FAM53B: variants seen among roughly 807,000 people sequenced by gnomAD.
The protein encoded by FAM53B is family with sequence similarity 53 member B, also known as protein FAM53B.
FAM53B carries 12 observed loss-of-function variants against 32.7 expected under a neutral mutation model. The observed-to-expected ratio is 0.37, with a 90% confidence interval of 0.24 to 0.59. The LOEUF (loss-of-function observed/expected upper bound fraction) is 0.59. FAM53B is among the 20% of genes least tolerant of loss of function. FAM53B has a pLI of 0.72. For synonymous variants in FAM53B, 234 were observed against 228.7 expected (o/e 1.02, Z -0.21); for missense variants, 477 against 577.7 (o/e 0.83, Z 1.79).
At chr10:124,707,796 A>C (rs1481000322) in intron 1 of FAM53B, 4 of 152,186 alleles carry the variant, frequency 2.6e-5, no homozygotes, top group African/African-American at 9.7e-5. Context: ...GCCACATTTC[A>C]ACATCAACAT....
intron 4 of FAM53B, among the ~76,000 whole-genome samples, chr10:124,669,088 G>A (rs76174042): frequency 0.053 from 8,043 of 152,284 alleles, 714 homozygotes; most frequent in African/African-American, 0.18. Flanking sequence ...AAGCCATTTT[G>A]GGGGGTGTAG....
At chr10:124,698,955 C>T (rs1949894078) in intron 2 of FAM53B, among the ~76,000 whole-genome samples, 1 of 152,248 alleles carries the variant, frequency 6.6e-6, no homozygotes, top group Non-Finnish European at 1.5e-5. Flanking sequence ...CCCCTCCTCA[C>T]TCACACCACC....
chr10:124,628,610 T>G (rs1193768521), intron 4 of FAM53B, among the ~76,000 whole-genome samples: 1 of 152,186 alleles, frequency 6.6e-6, no homozygotes. Flanking sequence ...GCCAGGCTGC[T>G]GGTGTCCCAC....
chr10:124,672,006 A>G (rs1338696627), intron 4 of FAM53B, among the ~76,000 whole-genome samples: 2 of 152,260 alleles, frequency 1.3e-5, no homozygotes, highest in African/African-American at 4.8e-5. Context: ...GTTGCAAGAA[A>G]GAGTGGTAAT....
chr10:124,686,275 C>A (rs1487106953), intron 3 of FAM53B, among the ~76,000 whole-genome samples: 1 of 152,200 alleles, frequency 6.6e-6, no homozygotes, highest in Non-Finnish European at 1.5e-5. Flanking sequence ...TACCAAAACC[C>A]AGGGGCATCA....
intron 1 of FAM53B, among the ~76,000 whole-genome samples, chr10:124,741,599 A>G (rs1268858756): frequency 6.6e-6 from 1 of 152,226 alleles, no homozygotes; most frequent in Non-Finnish European, 1.5e-5. Flanking sequence ...CGCTTAAAGG[A>G]ACCCAAGCCC....
intron 2 of FAM53B, among the ~76,000 whole-genome samples, chr10:124,701,631 C>T (rs1436836715): frequency 6.6e-6 from 1 of 152,214 alleles, no homozygotes; most frequent in Admixed American, 6.5e-5. Context: ...GGGCTGCCTT[C>T]CAGGGGAGCA....
intron 4 of FAM53B, among the ~76,000 whole-genome samples, chr10:124,674,144 C>T (rs769603807): frequency 9.9e-5 from 15 of 152,244 alleles, no homozygotes; most frequent in Non-Finnish European, 2.1e-4. Context: ...CCAGCAGCAC[C>T]GCTCAACAAC....
At chr10:124,697,814 C>T (rs1949884349) in intron 2 of FAM53B, among the ~76,000 whole-genome samples, 1 of 152,142 alleles carries the variant, frequency 6.6e-6, no homozygotes, top group African/African-American at 2.4e-5. Flanking sequence ...CTAACAGTAT[C>T]ATCAGGCTCA....
chr10:124,681,405 A>C (rs1268218709), intron 4 of FAM53B, among the ~76,000 whole-genome samples: 1 of 152,238 alleles, frequency 6.6e-6, no homozygotes, highest in African/African-American at 2.4e-5. Flanking sequence ...GTGAAAGGGA[A>C]TATTTGCTTG....
intron 4 of FAM53B, among the ~76,000 whole-genome samples, chr10:124,659,932 G>C (rs868712146): frequency 6.6e-6 from 1 of 152,194 alleles, no homozygotes; most frequent in South Asian, 2.1e-4. Flanking sequence ...TCAGCCTCCC[G>C]AGTAGCTGGG....
At chr10:124,676,555 A>G (rs189194595) in intron 4 of FAM53B, among the ~76,000 whole-genome samples, 7 of 152,214 alleles carry the variant, frequency 4.6e-5, no homozygotes, top group African/African-American at 1.4e-4. Flanking sequence ...ATGGCGACCA[A>G]CAAGGGCCAC....
At chr10:124,632,209 C>T (rs562165926) in intron 4 of FAM53B, among the ~76,000 whole-genome samples, 39 of 152,380 alleles carry the variant, frequency 2.6e-4, no homozygotes, top group African/African-American at 9.1e-4. Flanking sequence ...TGGCAGATGG[C>T]CTGCCCGAAC....
In FAM53B at chr10:124,681,830, G is replaced by A; in HGVS notation, c.683C>T (p.Ser228Phe). 1 of 1,611,796 alleles carries A rather than the reference G, an allele frequency of 6.2e-7. No individual in the cohort carries two copies. Among genetic ancestry groups the A allele is most frequent in the South Asian group, 1.1e-5 (1 of 90,706 alleles). ...AAACTGCTCATGTGAGCAAGAGAGG[G>A]ACCGCTGCAGGTCCAGCCGGCCTCC... is the stretch of plus-strand genomic sequence containing the variant. ...VGGGRLDLQR[S>F]LSCSHEQFSF... Residue 228 changes from serine to phenylalanine, a missense_variant, in exon 4 of 5, where the codon TCC becomes TTC. By Grantham distance (155) the Ser-to-Phe change is radical. Around this residue, in one of 2 missense-constraint regions of FAM53B, gnomAD observed 312 missense variants for 420.2 expected, o/e 0.74. Coordinates refer to ENST00000337318, the MANE Select transcript of FAM53B (RefSeq NM_014661.4).
intron 4 of FAM53B, among the ~76,000 whole-genome samples, chr10:124,645,170 G>C (rs1372157257): frequency 4.6e-5 from 7 of 152,216 alleles, no homozygotes; most frequent in Non-Finnish European, 7.4e-5. Flanking sequence ...GGGCAACTCG[G>C]GCCCTCCCTG....
At chr10:124,698,031 G>T (rs1490646272) in intron 2 of FAM53B, among the ~76,000 whole-genome samples, 1 of 152,210 alleles carries the variant, frequency 6.6e-6, no homozygotes, top group Non-Finnish European at 1.5e-5. Flanking sequence ...GGGCTGCACT[G>T]CCTGCACAGC....
chr10:124,680,579 G>A (rs932520241), intron 4 of FAM53B, among the ~76,000 whole-genome samples: 2 of 152,198 alleles, frequency 1.3e-5, no homozygotes, highest in Non-Finnish European at 2.9e-5. Context: ...GAAACGCAGC[G>A]AGCGTGATAA....
At chr10:124,700,069 C>A (rs928144007) in intron 2 of FAM53B, among the ~76,000 whole-genome samples, 1 of 152,224 alleles carries the variant, frequency 6.6e-6, no homozygotes, top group Non-Finnish European at 1.5e-5. Context: ...TTCTGAGCCC[C>A]ATCCGTGAGG....
rs1024652467 is a variant in FAM53B, at chr10:124,619,695, A to G, written c.*3547T>C. ...TCTTTCTCTTCTTTTCTCTTTAAAG[A>G]GGCATGACAGAGGGGTTTGACCAAC... On this transcript the variant is annotated 3_prime_UTR_variant, in exon 5 of 5. Transcript: ENST00000337318. 21 of 152,436 alleles carry G rather than the reference A, an allele frequency of 1.4e-4. No homozygotes were observed. Among genetic ancestry groups the G allele is most frequent in the African/African-American group, 4.1e-4 (17 of 41,372 alleles). The allele number at this position is 152,436 out of a possible 1,614,324, so 9.4% of individuals were successfully genotyped here.
Sources: gnomAD v4.1 joint callset for allele counts (sites outside exome capture counted in the v4.1 genomes callset) on GRCh38, gnomAD v4.1.1 for gene constraint, gnomAD v4.1.1 regional missense constraint, MANE v1.5 for transcripts, NCBI Gene and HGNC (gene_info 2026-07-23, HGNC 2026-07-21) for gene names.